Variants in LRCH1 observed in about 807,000 individuals in gnomAD.
LRCH1 encodes leucine rich repeats and calponin homology domain containing 1.
In LRCH1, 23 loss-of-function variants were observed where a neutral mutation model predicts 94.9. The observed-to-expected ratio is 0.24, with a 90% CI of 0.17 to 0.34. The LOEUF (loss-of-function observed/expected upper bound fraction) is 0.34, where lower values mean the gene tolerates loss of function less well. LRCH1 is among the 10% of genes least tolerant of loss of function. The pLI, the probability that LRCH1 is intolerant of heterozygous loss-of-function variation, is 1.00. For synonymous variants in LRCH1, 364 were observed against 354.9 expected (o/e 1.03, Z -0.29); for missense variants, 790 against 945.9 (o/e 0.84, Z 2.16).
At chr13:46,728,309 G>A (rs1872930153) in intron 17 of LRCH1, among the ~76,000 whole-genome samples, 1 of 152,022 alleles carries the variant, frequency 6.6e-6, no homozygotes, top group Non-Finnish European at 1.5e-5. Flanking sequence ...TCCGCCTCCT[G>A]GGTTCAAGTG....
intron 1 of LRCH1, among the ~76,000 whole-genome samples, chr13:46,626,989 G>T (rs894027785): frequency 6.6e-6 from 1 of 152,120 alleles, no homozygotes; most frequent in Non-Finnish European, 1.5e-5. Context: ...AATGTTTGAG[G>T]AATGGTTGGG....
At chr13:46,614,188 A>G (rs1353375852) in intron 1 of LRCH1, among the ~76,000 whole-genome samples, 1 of 152,192 alleles carries the variant, frequency 6.6e-6, no homozygotes, top group Non-Finnish European at 1.5e-5. Context: ...TATTAACGAC[A>G]ATACTTGTGT....
At chr13:46,709,382 G>A (rs1040149950) in intron 13 of LRCH1, among the ~76,000 whole-genome samples, 1 of 152,178 alleles carries the variant, frequency 6.6e-6, no homozygotes, top group Non-Finnish European at 1.5e-5. Flanking sequence ...GTGTTGAGCT[G>A]CAGCTCTGCA....
chr13:46,588,725 C>T (rs1360447120), intron 1 of LRCH1, among the ~76,000 whole-genome samples: 1 of 151,202 alleles, frequency 6.6e-6, no homozygotes, highest in African/African-American at 2.4e-5. Flanking sequence ...CTTAGCCTCC[C>T]GAGTAGCTGG....
At chr13:46,663,350 G>A (rs1314304617) in intron 2 of LRCH1, among the ~76,000 whole-genome samples, 1 of 152,066 alleles carries the variant, frequency 6.6e-6, no homozygotes, top group Non-Finnish European at 1.5e-5. Context: ...TGTTGTTGTT[G>A]TTGCTCATTG....
chr13:46,609,887 G>C lies in LRCH1; in HGVS notation c.308-40314G>C, dbSNP rs368093016. On this transcript the variant is annotated intron_variant, in intron 1 of 19. Transcript: ENST00000389797. ...CTGCCAGACACACACAGCTGCCTAC[G>C]GGCAGGAAGGGGCCCCATTGGAAGC... Among the ~76,000 whole-genome samples the C allele has an allele frequency of 3.2e-4, 48 of 152,304 alleles. No homozygotes were observed. In the East Asian group the frequency reaches 7.5e-3, roughly 24 times the overall value.
At chr13:46,600,131 C>T (rs1366730896) in intron 1 of LRCH1, among the ~76,000 whole-genome samples, 2 of 144,184 alleles carry the variant, frequency 1.4e-5, no homozygotes, top group Non-Finnish European at 3.0e-5. Flanking sequence ...GGTGATCCAC[C>T]CGCCTCAGGC....
At chr13:46,560,551 C>T (rs912432) in intron 1 of LRCH1, among the ~76,000 whole-genome samples, 72,686 of 151,656 alleles carry the variant, frequency 0.48, 19,362 homozygotes, top group Middle Eastern at 0.59. Context: ...CTATTATAAA[C>T]GTGTTAAGGA....
At chr13:46,726,139 C>T (rs1240771138) in intron 17 of LRCH1, among the ~76,000 whole-genome samples, 3 of 152,134 alleles carry the variant, frequency 2.0e-5, no homozygotes, top group African/African-American at 7.2e-5. Flanking sequence ...TGCAGAAGCT[C>T]TAGTTAAGGT....
downstream of LRCH1, among the ~76,000 whole-genome samples, chr13:46,746,746 C>G (rs1003092129): frequency 6.6e-6 from 1 of 152,194 alleles, no homozygotes; most frequent in Non-Finnish European, 1.5e-5. Flanking sequence ...TGAGTCATTC[C>G]TCATCCAGCT....
intron 13 of LRCH1, among the ~76,000 whole-genome samples, chr13:46,706,989 A>G (rs919459866): frequency 1.2e-4 from 19 of 152,110 alleles, no homozygotes; most frequent in African/African-American, 2.7e-4. Flanking sequence ...AAGAATATGG[A>G]TTTTTATCTT....
intron 11 of LRCH1, among the ~76,000 whole-genome samples, chr13:46,702,446 G>A (rs1188360751): frequency 2.0e-5 from 3 of 152,178 alleles, no homozygotes; most frequent in Admixed American, 6.5e-5. Flanking sequence ...AGGTTGCAGC[G>A]AGCCGAGATC....
chr13:46,690,508 A>T (rs1248743583), intron 7 of LRCH1, among the ~76,000 whole-genome samples: 3 of 152,184 alleles, frequency 2.0e-5, no homozygotes, highest in Non-Finnish European at 4.4e-5. Context: ...TTACATAAAG[A>T]ACTTCATTAT....
chr13:46,558,480 A>G (rs1248218126), intron 1 of LRCH1, among the ~76,000 whole-genome samples: 2 of 149,378 alleles, frequency 1.3e-5, no homozygotes, highest in Admixed American at 6.8e-5. Context: ...TCACACCTGT[A>G]ATCCCAGCAT....
At chr13:46,740,824 G>C (rs1873613346) in intron 19 of LRCH1, among the ~76,000 whole-genome samples, 2 of 152,200 alleles carry the variant, frequency 1.3e-5, no homozygotes, top group Admixed American at 6.5e-5. Context: ...AGAAAACTGA[G>C]CCTCTTAGTT....
At chr13:46,729,111 T>A in intron 18 of LRCH1, 127 bp downstream of exon 18, 1 of 825,306 alleles carries the variant, frequency 1.2e-6, no homozygotes, top group Non-Finnish European at 1.7e-6. Context: ...CCCAAACCAT[T>A]ATAAGGCAGA....
chr13:46,638,181 TTAC>T (rs2051115038), intron 1 of LRCH1, among the ~76,000 whole-genome samples: 1 of 152,160 alleles, frequency 6.6e-6, no homozygotes, highest in African/African-American at 2.4e-5. Flanking sequence ...TACAAGAAAA[TTAC>T]TATGGATTTG....
At position 46,672,587 on chromosome 13, in the gene LRCH1, G is replaced by T. The variant is rs370537635; in HGVS notation, c.579+3431G>T. 4.8e-4 allele frequency among the ~76,000 whole-genome samples: 73 copies of T among 152,274 alleles called. No individual in the cohort carries two copies. In the South Asian group the frequency reaches 0.015, roughly 31 times the overall value. The stretch of plus-strand genomic sequence containing the variant: ...GGCTTTCCTCAAATACCCTTTGTCA[G>T]CTGCAGGGCTGACGTGTAAACAGCG... On this transcript the variant is annotated intron_variant, in intron 3 of 19. Transcript: ENST00000389797.
intron 1 of LRCH1, among the ~76,000 whole-genome samples, chr13:46,567,685 T>G (rs1301858470): frequency 6.6e-6 from 1 of 152,204 alleles, no homozygotes; most frequent in Non-Finnish European, 1.5e-5. Flanking sequence ...TAAAAGGTAC[T>G]GTGCTATAAC....
Sources: gnomAD v4.1 joint callset for allele counts (sites outside exome capture counted in the v4.1 genomes callset) on GRCh38, gnomAD v4.1.1 for gene constraint, MANE v1.5 for transcripts, NCBI Gene and HGNC (gene_info 2026-07-23, HGNC 2026-07-21) for gene names.